Variants in SYNE1 observed in about 807,000 individuals in gnomAD.
SYNE1 encodes the protein nesprin-1.
SYNE1 carries 616 observed loss-of-function variants against 1,111.0 expected under a neutral mutation model. That is an observed-to-expected ratio of 0.55 (90% CI 0.52 to 0.59). The LOEUF is 0.59. SYNE1 is among the 20% of genes least tolerant of loss of function. The pLI, the probability that SYNE1 is intolerant of heterozygous loss-of-function variation, is 0.00. For missense variants in SYNE1, 10,006 were observed against 10,417.0 expected (o/e 0.96, Z 1.72); for synonymous variants, 3,855 against 3,825.8 (o/e 1.01, Z -0.28).
Position 152,208,058 on chromosome 6 carries a change from C to A in SYNE1, c.22738G>T (p.Val7580Phe), listed in dbSNP as rs756774742. The A allele has an allele frequency of 6.2e-7, 1 of 1,614,168 alleles. No homozygotes were observed. The highest frequency in any genetic ancestry group is 8.5e-7 in the Non-Finnish European group (1 of 1,180,022). Reference sequence around the variant, plus strand: ...CTCATGGGGAGGTAGGACACTTCAACCAACCATTTACGAAGCTTTTCTGCC... The same window carrying A: ...CTCATGGGGAGGTAGGACACTTCAAACAACCATTTACGAAGCTTTTCTGCC... ...EMAEKLRKWLVEVSYLPMSGL... is the reference protein window; with the variant it reads ...EMAEKLRKWLFEVSYLPMSGL... The change falls in exon 125 of 146, where the codon GTT becomes TTT. Residue 7580 changes from valine to phenylalanine, a missense_variant. Physicochemically the swap from Val to Phe is conservative, Grantham distance 50. Transcript: ENST00000367255.
At chr6:152,354,608 T>C (rs942773629) in intron 67 of SYNE1, 51 bp downstream of exon 67, 4 of 1,604,062 alleles carry the variant, frequency 2.5e-6, no homozygotes, top group Non-Finnish European at 3.4e-6. Flanking sequence ...AAACAAACTA[T>C]GCAAGGTAAC....
Position 152,233,852 on chromosome 6 carries a change from G to T in SYNE1, c.20641C>A (p.Leu6881Met). 6.2e-7 allele frequency: 1 copy of T among 1,614,206 alleles called. No individual in the cohort carries two copies. The highest frequency in any genetic ancestry group is 8.5e-7 in the Non-Finnish European group (1 of 1,180,042). Residue 6881 changes from leucine to methionine, a missense_variant, in exon 112 of 146, where the codon CTG (leucine) becomes ATG (methionine). By Grantham distance (15) the Leu-to-Met change is conservative. This residue lies in a region of SYNE1 where 2,182 missense variants were observed against 2,287.8 expected (regional missense o/e 0.95). Coordinates refer to ENST00000367255, the MANE Select transcript of SYNE1 (RefSeq NM_182961.4). ...KVDTATLRSE[L>M]SRIDSQWTDL... ...GTCCACTGGCTATCAATGCGCGACA[G>T]CTCAGAGCGCAGCGTGGCTGTGTCC...
At chr6:152,361,794 C>A (rs1319288625) in intron 64 of SYNE1, among the ~76,000 whole-genome samples, 2 of 146,478 alleles carry the variant, frequency 1.4e-5, no homozygotes, top group Non-Finnish European at 3.0e-5. Flanking sequence ...TAGTACTGTA[C>A]TAATGTAAGC....
intron 34 of SYNE1, chr6:152,433,471 A>G (rs2154210497): frequency 2.8e-6 from 1 of 353,168 alleles, no homozygotes; most frequent in Admixed American, 4.1e-5. Context: ...TTCATGTTGT[A>G]TAATGAACCG....
intron 116 of SYNE1, among the ~76,000 whole-genome samples, chr6:152,224,902 A>AATATAT (rs766056298): frequency 1.4e-5 from 2 of 145,160 alleles, no homozygotes; most frequent in African/African-American, 5.1e-5. Flanking sequence ...GTAACTGATA[A>AATATAT]ATATATATAT....
chr6:152,224,883 C>T (rs1256138815), intron 116 of SYNE1, among the ~76,000 whole-genome samples: 1 of 144,458 alleles, frequency 6.9e-6, no homozygotes, highest in Non-Finnish European at 1.5e-5. Context: ...AGTGGAAATG[C>T]TTAAAAGGGT....
At chr6:152,286,792 A>C (rs1159003757) in intron 95 of SYNE1, among the ~76,000 whole-genome samples, 1 of 152,226 alleles carries the variant, frequency 6.6e-6, no homozygotes, top group Non-Finnish European at 1.5e-5. Flanking sequence ...TTCCTTAATA[A>C]TATCTGTTGA....
chr6:152,523,472 C>G (rs944113054), intron 5 of SYNE1, among the ~76,000 whole-genome samples: 1 of 151,932 alleles, frequency 6.6e-6, no homozygotes, highest in Non-Finnish European at 1.5e-5. Flanking sequence ...TAGTATAATT[C>G]AAAGTCAGAT....
At chr6:152,593,877 G>A (rs1392321923) in intron 3 of SYNE1, among the ~76,000 whole-genome samples, 2 of 152,036 alleles carry the variant, frequency 1.3e-5, no homozygotes, top group African/African-American at 2.4e-5. Flanking sequence ...AGATATGTTC[G>A]CAGCATGTTA....
chr6:152,630,936 C>T (rs2099696874), intron 2 of SYNE1, among the ~76,000 whole-genome samples: 1 of 152,204 alleles, frequency 6.6e-6, no homozygotes, highest in South Asian at 2.1e-4. Flanking sequence ...CTCAGAATTT[C>T]CCTGCATGTG....
intron 3 of SYNE1, among the ~76,000 whole-genome samples, chr6:152,597,888 A>G (rs545695177): frequency 6.6e-6 from 1 of 152,028 alleles, no homozygotes; most frequent in Non-Finnish European, 1.5e-5. Context: ...TATCATGATG[A>G]TTTTTATAAA....
At chr6:152,467,703 A>C (rs536143532) in intron 16 of SYNE1, among the ~76,000 whole-genome samples, 3 of 152,162 alleles carry the variant, frequency 2.0e-5, no homozygotes, top group Non-Finnish European at 4.4e-5. Context: ...TGTTTTCAGA[A>C]AGAATGTTTT....
intron 42 of SYNE1, among the ~76,000 whole-genome samples, chr6:152,410,572 T>A (rs1270639252): frequency 6.6e-6 from 1 of 152,082 alleles, no homozygotes; most frequent in Admixed American, 6.6e-5. Context: ...TTGTCTCTAC[T>A]AAAAATGCAA....
At chr6:152,231,611 CATT>C in intron 113 of SYNE1, 44 bp from the exon 114 acceptor site, 1 of 1,591,456 alleles carries the variant, frequency 6.3e-7, no homozygotes, top group Non-Finnish European at 8.6e-7. Context: ...ATAAATGTCT[CATT>C]AGTTTTCCAG....
At chr6:152,598,464 T>A (rs1020810976) in intron 3 of SYNE1, among the ~76,000 whole-genome samples, 5 of 152,228 alleles carry the variant, frequency 3.3e-5, no homozygotes, top group African/African-American at 1.2e-4. Context: ...AGAAACTGAA[T>A]ATACACATTA....
rs2058944748 is a variant in SYNE1 at position 152,143,754 on chromosome 6, C to A, written c.24988G>T (p.Ala8330Ser). 2 of 1,614,182 alleles carry A rather than the reference C, an allele frequency of 1.2e-6. No individual in the cohort carries two copies. Among genetic ancestry groups the A allele is most frequent in the African/African-American group, 1.3e-5 (1 of 75,044 alleles). Residue 8330 changes from alanine to serine, a missense_variant, in exon 138 of 146, where the codon GCC becomes TCC. Ala to Ser is a moderately conservative substitution (Grantham distance 99, BLOSUM62 1). Coordinates refer to ENST00000367255, the MANE Select transcript of SYNE1 (RefSeq NM_182961.4). ...GAVGLSGDHS[A>S]LESQIRQLGK... is the part of the protein sequence containing the mutation. ...AGTTGTCGGATCTGTGACTCTAGGG[C>A]ACTGTGGTCCCCTGCGGTGGCAACC...
intron 128 of SYNE1, among the ~76,000 whole-genome samples, chr6:152,187,531 A>G (rs528085773): frequency 2.6e-5 from 4 of 152,232 alleles, no homozygotes; most frequent in African/African-American, 9.6e-5. Context: ...TTCCCACACC[A>G]GCTTTTTCCA....
chr6:152,332,918 G>A (rs1047912172), intron 77 of SYNE1, among the ~76,000 whole-genome samples: 1 of 152,118 alleles, frequency 6.6e-6, no homozygotes, highest in Non-Finnish European at 1.5e-5. Flanking sequence ...TAAGTCTCAG[G>A]TGTCTGTGGG....
intron 81 of SYNE1, 116 bp downstream of exon 81, chr6:152,324,968 A>T (rs568446579): frequency 1.6e-6 from 2 of 1,237,402 alleles, no homozygotes; most frequent in South Asian, 1.2e-5. Context: ...AACAGATTTT[A>T]AAAAGCCTTT....
Sources: gnomAD v4.1 joint callset for allele counts (sites outside exome capture counted in the v4.1 genomes callset) on GRCh38, gnomAD v4.1.1 for gene constraint, gnomAD v4.1.1 regional missense constraint, MANE v1.5 for transcripts, NCBI Gene and HGNC (gene_info 2026-07-23, HGNC 2026-07-21) for gene names.